MAOB: variants seen among roughly 807,000 people sequenced by gnomAD.
The protein encoded by MAOB is monoamine oxidase B.
Under a neutral mutation model 41.9 loss-of-function variants are expected in MAOB, and 15 were observed. The observed-to-expected ratio is 0.36, with a 90% confidence interval of 0.24 to 0.55. MAOB has a LOEUF of 0.55. Among genes scored for constraint, MAOB ranks in the 20% least tolerant of loss-of-function variants. MAOB has a pLI of 0.86. For missense variants in MAOB, 345 were observed against 398.7 expected (o/e 0.87, Z 1.15); for synonymous variants, 167 against 144.2 (o/e 1.16, Z -1.13).
chrX:43,811,473 T>C (rs771859325), intron 3 of MAOB, among the ~76,000 whole-genome samples: 1 of 111,587 alleles, frequency 9.0e-6, no homozygotes, highest in African/African-American at 3.3e-5. Context: ...TCAATCATTT[T>C]TACAGTTATG....
chrX:43,860,566 C>A (rs764565015), intron 1 of MAOB, among the ~76,000 whole-genome samples: 3 of 111,760 alleles, frequency 2.7e-5, no homozygotes, highest in Non-Finnish European at 3.8e-5. Flanking sequence ...AAGACAATAT[C>A]GTCTTTTTTG....
At chrX:43,806,050 A>C (rs1375474557) in intron 3 of MAOB, among the ~76,000 whole-genome samples, 1 of 112,683 alleles carries the variant, frequency 8.9e-6, no homozygotes, top group Non-Finnish European at 1.9e-5. Flanking sequence ...TATTTGTTTT[A>C]TAAAAAAGTT....
chrX:43,860,279 G>T (rs776172209), intron 1 of MAOB, among the ~76,000 whole-genome samples: 2 of 111,642 alleles, frequency 1.8e-5, no homozygotes, highest in Admixed American at 1.9e-4. Context: ...TATGTAAACT[G>T]CCTACTTAAT....
chrX:43,808,051 G>A (rs1188332284), intron 3 of MAOB, among the ~76,000 whole-genome samples: 2 of 111,333 alleles, frequency 1.8e-5, no homozygotes, highest in Non-Finnish European at 3.8e-5. Context: ...CAATGCACTT[G>A]TACAAAGTGG....
intron 5 of MAOB, among the ~76,000 whole-genome samples, chrX:43,800,204 C>T (rs997236039): frequency 9.0e-6 from 1 of 110,624 alleles, no homozygotes. Flanking sequence ...CCAAGGGCTA[C>T]GATAGAAAAT....
intron 2 of MAOB, 106 bp from the exon 3 acceptor site, chrX:43,839,111 A>G (rs1006283575): frequency 6.5e-5 from 35 of 534,931 alleles, no homozygotes; most frequent in Non-Finnish European, 9.1e-5. Flanking sequence ...TTATAGATAC[A>G]GCTTAAGGGT....
chrX:43,771,827 T>C (rs751734552), intron 12 of MAOB, among the ~76,000 whole-genome samples: 6 of 111,608 alleles, frequency 5.4e-5, no homozygotes, highest in Non-Finnish European at 1.1e-4. Context: ...GGAAATTATG[T>C]TCCTTTAAGG....
chrX:43,810,039 C>T, intron 3 of MAOB, among the ~76,000 whole-genome samples: 1 of 98,330 alleles, frequency 1.0e-5, no homozygotes, highest in Non-Finnish European at 1.9e-5. Flanking sequence ...GTCAGGAGAT[C>T]GAGACCATCC....
chrX:43,772,315 G>T (rs2034194982), intron 12 of MAOB, among the ~76,000 whole-genome samples: 1 of 111,470 alleles, frequency 9.0e-6, no homozygotes, highest in South Asian at 3.8e-4. Context: ...AAAGATAAAA[G>T]AAGGCATTAC....
At chrX:43,794,154 C>G in intron 7 of MAOB, among the ~76,000 whole-genome samples, 1 of 111,936 alleles carries the variant, frequency 8.9e-6, no homozygotes, top group Middle Eastern at 4.6e-3. Context: ...GGATTACAGG[C>G]GTTAGCCACC....
intron 2 of MAOB, among the ~76,000 whole-genome samples, chrX:43,842,830 T>G (rs1439557856): frequency 9.0e-6 from 1 of 111,423 alleles, no homozygotes; most frequent in Non-Finnish European, 1.9e-5. Flanking sequence ...CAGAAAGACT[T>G]ATAAGTGGAA....
intron 1 of MAOB, among the ~76,000 whole-genome samples, chrX:43,849,271 A>G (rs183514440): frequency 1.7e-3 from 186 of 112,120 alleles, no homozygotes; most frequent in African/African-American, 5.2e-3. Context: ...TAGAGAGGCC[A>G]AGTAATGTGC....
intron 1 of MAOB, among the ~76,000 whole-genome samples, chrX:43,859,830 C>T (rs1239890070): frequency 8.9e-6 from 1 of 112,022 alleles, no homozygotes; most frequent in Non-Finnish European, 1.9e-5. Context: ...CTCCCTTTCC[C>T]TTTGAATCCC....
chrX:43,771,823 T>C (rs2034188920), intron 12 of MAOB, among the ~76,000 whole-genome samples: 1 of 111,456 alleles, frequency 9.0e-6, no homozygotes, highest in African/African-American at 3.3e-5. Context: ...ATTTGGAAAT[T>C]ATGTTCCTTT....
At chrX:43,821,169 C>T (rs909602976) in intron 3 of MAOB, among the ~76,000 whole-genome samples, 4 of 111,921 alleles carry the variant, frequency 3.6e-5, no homozygotes, top group Non-Finnish European at 7.5e-5. Flanking sequence ...ATAATTCTAC[C>T]GTATGAACTA....
chrX:43,837,586 G>C (rs1384813935), intron 3 of MAOB, among the ~76,000 whole-genome samples: 5 of 112,553 alleles, frequency 4.4e-5, no homozygotes, highest in African/African-American at 1.6e-4. Flanking sequence ...TTAAGTAACT[G>C]CTTAGTTCCC....
At chrX:43,842,413 T>G (rs2035147467) in intron 2 of MAOB, among the ~76,000 whole-genome samples, 1 of 112,390 alleles carries the variant, frequency 8.9e-6, no homozygotes, top group South Asian at 3.7e-4. Context: ...AAATAATCAG[T>G]GTTGTCAAGG....
intron 8 of MAOB, among the ~76,000 whole-genome samples, chrX:43,782,320 C>A (rs1210325145): frequency 9.0e-6 from 1 of 111,586 alleles, no homozygotes; most frequent in Non-Finnish European, 1.9e-5. Context: ...ACTAATCCCA[C>A]AGAAATACAA....
chrX:43,790,391 A>T (rs1455136524), intron 8 of MAOB, among the ~76,000 whole-genome samples: 1 of 111,770 alleles, frequency 8.9e-6, no homozygotes, highest in African/African-American at 3.3e-5. Context: ...AACTCAATAC[A>T]TTGTGCAATT....
Sources: gnomAD v4.1 joint callset for allele counts (sites outside exome capture counted in the v4.1 genomes callset) on GRCh38, gnomAD v4.1.1 for gene constraint, MANE v1.5 for transcripts, NCBI Gene and HGNC (gene_info 2026-07-23, HGNC 2026-07-21) for gene names.